The following RBFOX1 variants were observed in gnomAD, a reference collection of about 807,000 sequenced individuals.
RBFOX1 encodes the protein RNA binding fox-1 homolog 1.
RBFOX1 carries 8 observed loss-of-function variants against 57.7 expected under a neutral mutation model. The observed-to-expected ratio is 0.14, with a 90% CI of 0.08 to 0.25. The LOEUF (loss-of-function observed/expected upper bound fraction) is 0.25, where lower values mean the gene tolerates loss of function less well. RBFOX1 is among the 10% of genes least tolerant of loss of function. The probability of loss-of-function intolerance (pLI) is 1.00; values close to 1 mark genes in which losing one functional copy is unlikely to be tolerated. For synonymous variants in RBFOX1, 326 were observed against 222.4 expected, an observed-to-expected ratio of 1.47 and a Z score of -4.15; for missense variants, 611 against 548.5, an observed-to-expected ratio of 1.11 and a Z score of -1.14.
At chr16:7,597,261 A>C in intron 8 of RBFOX1, 110 bp from the exon 9 acceptor site, 1 of 702,570 alleles carries the variant, frequency 1.4e-6, no homozygotes, top group Non-Finnish European at 2.3e-6. Flanking sequence ...AATGCATTTT[A>C]CTTTTTAGTT....
intron 3 of RBFOX1, among the ~76,000 whole-genome samples, chr16:5,832,922 T>C (rs1313234471): frequency 6.6e-6 from 1 of 152,188 alleles, no homozygotes; most frequent in East Asian, 1.9e-4. Flanking sequence ...ATCCCCAGGC[T>C]GTAGAAATCC....
intron 4 of RBFOX1, among the ~76,000 whole-genome samples, chr16:5,955,098 G>C (rs1306812954): frequency 6.5e-5 from 6 of 92,554 alleles, no homozygotes; most frequent in Non-Finnish European, 1.2e-4. Flanking sequence ...CTGGGCAACA[G>C]GGTGAAACTC....
At chr16:6,565,561 G>C (rs1253916938) in intron 2 of RBFOX1, among the ~76,000 whole-genome samples, 3 of 145,242 alleles carry the variant, frequency 2.1e-5, no homozygotes, top group Non-Finnish European at 4.5e-5. Context: ...CCAGCTCCCA[G>C]ATTCAAGCCG....
At chr16:6,738,989 G>A (rs2071264000) in intron 3 of RBFOX1, among the ~76,000 whole-genome samples, 1 of 152,128 alleles carries the variant, frequency 6.6e-6, no homozygotes, top group Non-Finnish European at 1.5e-5. Flanking sequence ...AGCCAAAGCA[G>A]TCATTAGAGG....
intron 1 of RBFOX1, among the ~76,000 whole-genome samples, chr16:5,318,332 T>G (rs1240732559): frequency 6.6e-6 from 1 of 152,110 alleles, no homozygotes; most frequent in Non-Finnish European, 1.5e-5. Flanking sequence ...TTTTGCCATA[T>G]CGGCCAGGCT....
intron 3 of RBFOX1, among the ~76,000 whole-genome samples, chr16:6,696,674 G>A (rs1544618): frequency 0.98 from 148,783 of 152,260 alleles, 72,764 homozygotes; most frequent in Middle Eastern, 1. Context: ...GATATGAACA[G>A]TTTTATATCT....
At chr16:7,138,432 G>A (rs530527663) in intron 4 of RBFOX1, among the ~76,000 whole-genome samples, 2 of 152,218 alleles carry the variant, frequency 1.3e-5, no homozygotes, top group African/African-American at 2.4e-5. Flanking sequence ...TATTGGCAAC[G>A]TGGAGGCAAG....
At chr16:6,999,325 G>C (rs903829315) in intron 3 of RBFOX1, among the ~76,000 whole-genome samples, 56 of 150,756 alleles carry the variant, frequency 3.7e-4, no homozygotes, top group Non-Finnish European at 1.3e-4. Flanking sequence ...CAAAAGTGAT[G>C]GGATGACAGG....
In RBFOX1 at chr16:6,237,793, A is replaced by G. The variant is rs991777864; in HGVS notation, c.-126-79202A>G. Among the ~76,000 whole-genome samples the G allele has an allele frequency of 1.4e-4, 22 of 152,028 alleles. 1 individual carries two copies. The highest frequency in any genetic ancestry group is 6.6e-5 in the Admixed American group (1 of 15,256). ...TAAATTAAATGAAATTAAATTAAAC[A>G]AAGAAATACCTGCCTTATGGCTGGA... is the stretch of plus-strand genomic sequence containing the variant. On this transcript the variant is annotated intron_variant, in intron 1 of 15. Coordinates refer to ENST00000550418, the MANE Select transcript of RBFOX1 (RefSeq NM_018723.4).
At chr16:6,415,403 T>C (rs1228958202) in intron 2 of RBFOX1, among the ~76,000 whole-genome samples, 1 of 151,180 alleles carries the variant, frequency 6.6e-6, no homozygotes, top group Non-Finnish European at 1.5e-5. Context: ...CGTTTAAAAC[T>C]GGAGAGTCTG....
chr16:7,670,185 C>G (rs575959224), intron 13 of RBFOX1, among the ~76,000 whole-genome samples: 3 of 152,062 alleles, frequency 2.0e-5, no homozygotes, highest in African/African-American at 4.8e-5. Flanking sequence ...GCATGCACCA[C>G]GACGCCTGGC....
At chr16:6,904,959 G>T (rs562269854) in intron 3 of RBFOX1, among the ~76,000 whole-genome samples, 3 of 152,168 alleles carry the variant, frequency 2.0e-5, no homozygotes, top group Non-Finnish European at 4.4e-5. Flanking sequence ...AAGCAGTGGG[G>T]ATGAAGCCTC....
intron 3 of RBFOX1, among the ~76,000 whole-genome samples, chr16:6,980,410 C>A (rs77277931): frequency 6.6e-6 from 1 of 152,046 alleles, no homozygotes; most frequent in South Asian, 2.1e-4. Flanking sequence ...AGTTTACTTG[C>A]CATTTTCAAA....
intron 4 of RBFOX1, among the ~76,000 whole-genome samples, chr16:7,228,057 G>A (rs1289945704): frequency 6.6e-6 from 1 of 152,120 alleles, no homozygotes; most frequent in East Asian, 1.9e-4. Flanking sequence ...ACTTTCTCCT[G>A]ATACTGCCTG....
intron 1 of RBFOX1, among the ~76,000 whole-genome samples, chr16:6,266,879 G>A (rs934890987): frequency 6.6e-6 from 1 of 152,120 alleles, no homozygotes; most frequent in African/African-American, 2.4e-5. Flanking sequence ...ATTCAGTTCT[G>A]TGCAGGCAGG....
intron 4 of RBFOX1, among the ~76,000 whole-genome samples, chr16:7,063,389 C>T (rs966360652): frequency 1.3e-4 from 20 of 152,054 alleles, no homozygotes; most frequent in African/African-American, 2.7e-4. Flanking sequence ...TGTGATGTTA[C>T]GGGATCATCA....
At chr16:6,486,790 G>T (rs1268302302) in intron 2 of RBFOX1, among the ~76,000 whole-genome samples, 1 of 151,538 alleles carries the variant, frequency 6.6e-6, no homozygotes, top group Non-Finnish European at 1.5e-5. Flanking sequence ...TCATTTTCAT[G>T]CAGGGTTGTG....
chr16:5,823,519 A>G (rs1279362840), intron 3 of RBFOX1, among the ~76,000 whole-genome samples: 1 of 152,134 alleles, frequency 6.6e-6, no homozygotes, highest in African/African-American at 2.4e-5. Context: ...ACGGACTGCT[A>G]CCAGTCCATG....
At chr16:5,268,578 G>A (rs1031756928) in intron 1 of RBFOX1, among the ~76,000 whole-genome samples, 1 of 152,218 alleles carries the variant, frequency 6.6e-6, no homozygotes, top group African/African-American at 2.4e-5. Context: ...AGCAGAGGGT[G>A]ATTTTTTTTA....
Sources: gnomAD v4.1 joint callset for allele counts (sites outside exome capture counted in the v4.1 genomes callset) on GRCh38, gnomAD v4.1.1 for gene constraint, MANE v1.5 for transcripts, NCBI Gene and HGNC (gene_info 2026-07-23, HGNC 2026-07-21) for gene names.